Variants in FAM81A observed in about 807,000 individuals in gnomAD.
FAM81A encodes protein FAM81A.
In FAM81A, 19 loss-of-function variants were observed where a neutral mutation model predicts 46.7. That is an observed-to-expected ratio of 0.41 (90% CI 0.28 to 0.60). The LOEUF is 0.60. Among genes scored for constraint, FAM81A ranks in the 20% least tolerant of loss-of-function variants. The pLI, the probability that FAM81A is intolerant of heterozygous loss-of-function variation, is 0.34. For missense variants in FAM81A, 377 were observed against 453.5 expected, an observed-to-expected ratio of 0.83 and a Z score of 1.53; for synonymous variants, 183 against 152.9, an observed-to-expected ratio of 1.20 and a Z score of -1.45.
intron 1 of FAM81A, among the ~76,000 whole-genome samples, chr15:59,441,776 G>T (rs2081300255): frequency 6.6e-6 from 1 of 152,264 alleles, no homozygotes. Flanking sequence ...AACCTCATTT[G>T]TTTCCTTTTT....
At chr15:59,479,519 G>GAAAAAAAAAA (rs57107735) in intron 3 of FAM81A, among the ~76,000 whole-genome samples, 17 of 72,654 alleles carry the variant, frequency 2.3e-4, no homozygotes, top group Admixed American at 3.8e-4. Context: ...TCAAAAATAA[G>GAAAAAAAAAA]AAAAAAAAAA....
In FAM81A at chr15:59,522,895, G is replaced by A. The variant is rs1397150602; in HGVS notation, c.*1517G>A. 1 of 152,214 alleles carries A rather than the reference G, an allele frequency of 6.6e-6. No individual in the cohort carries two copies. The highest frequency in any genetic ancestry group is 1.5e-5 in the Non-Finnish European group (1 of 67,984). The allele number at this position is 152,214 out of a possible 1,614,324, so 9.4% of individuals were successfully genotyped here. On this transcript the variant is annotated 3_prime_UTR_variant, in exon 9 of 9. Coordinates refer to ENST00000288228, the MANE Select transcript of FAM81A (RefSeq NM_152450.3). The stretch of plus-strand genomic sequence containing the variant: ...TTTTTTTTTTCAAATTTGGACATGA[G>A]AGGTTATATAGGGACTATATTATCC...
At chr15:59,464,253 A>G (rs544141033) in intron 3 of FAM81A, among the ~76,000 whole-genome samples, 2 of 152,288 alleles carry the variant, frequency 1.3e-5, no homozygotes, top group African/African-American at 2.4e-5. Flanking sequence ...TATCTTGGCT[A>G]TTATGAATAG....
intron 8 of FAM81A, among the ~76,000 whole-genome samples, chr15:59,520,157 A>G (rs2082312566): frequency 6.6e-6 from 1 of 151,738 alleles, no homozygotes; most frequent in Non-Finnish European, 1.5e-5. Flanking sequence ...TGTATTGCCC[A>G]AGACAATTCT....
At chr15:59,408,342 T>C (rs371058360) in intron 2 of FAM81A, among the ~76,000 whole-genome samples, 1 of 152,198 alleles carries the variant, frequency 6.6e-6, no homozygotes, top group African/African-American at 2.4e-5. Context: ...ATATTTGAAA[T>C]AGTTTATTTT....
At chr15:59,470,909 A>G (rs1302949348) in intron 3 of FAM81A, among the ~76,000 whole-genome samples, 3 of 151,882 alleles carry the variant, frequency 2.0e-5, no homozygotes, top group African/African-American at 4.8e-5. Flanking sequence ...TGCAGCCTCA[A>G]CCTCCTGGGC....
At chr15:59,422,206 G>A (rs2141553757) in intron 2 of FAM81A, among the ~76,000 whole-genome samples, 1 of 152,120 alleles carries the variant, frequency 6.6e-6, no homozygotes, top group African/African-American at 2.4e-5. Context: ...GGCCAACATA[G>A]TGAGACCCTG....
chr15:59,487,542 A>G (rs2081932900), intron 3 of FAM81A, among the ~76,000 whole-genome samples: 1 of 152,030 alleles, frequency 6.6e-6, no homozygotes, highest in Non-Finnish European at 1.5e-5. Context: ...AAAAGACCCA[A>G]CTAAATAAAA....
chr15:59,492,176 G>T (rs2081988335), intron 3 of FAM81A, 95 bp from the exon 4 acceptor site: 3 of 865,238 alleles, frequency 3.5e-6, no homozygotes, highest in Non-Finnish European at 5.6e-6. Context: ...GAAAGACTGA[G>T]TTAAACATTC....
chr15:59,461,843 A>C (rs2081555032), intron 3 of FAM81A, among the ~76,000 whole-genome samples: 1 of 151,986 alleles, frequency 6.6e-6, no homozygotes, highest in Admixed American at 6.6e-5. Context: ...ATATGTCTTT[A>C]TTTCTCTTGG....
intron 1 of FAM81A, among the ~76,000 whole-genome samples, chr15:59,451,529 T>C (rs1486184929): frequency 1.3e-5 from 2 of 152,008 alleles, no homozygotes; most frequent in Non-Finnish European, 2.9e-5. Flanking sequence ...CTGGGCTCAC[T>C]GCAACTTCTG....
chr15:59,453,371 G>C (rs548821117), intron 1 of FAM81A, among the ~76,000 whole-genome samples: 1 of 152,192 alleles, frequency 6.6e-6, no homozygotes, highest in Non-Finnish European at 1.5e-5. Context: ...ACAAATGATT[G>C]TGAGGATGAA....
At chr15:59,441,222 C>T (rs1010210207) in intron 1 of FAM81A, among the ~76,000 whole-genome samples, 2 of 152,226 alleles carry the variant, frequency 1.3e-5, no homozygotes, top group African/African-American at 4.8e-5. Flanking sequence ...TGTCTTTGGT[C>T]CTTCCCTACT....
At chr15:59,401,598 C>T in intron 1 of FAM81A, 2 of 882,642 alleles carry the variant, frequency 2.3e-6, no homozygotes, top group Admixed American at 1.9e-5. Context: ...GTTCGAATAA[C>T]TTTTAATACT....
rs199995680 is a variant in FAM81A, at chr15:59,443,752, G to A, written c.-78+5470G>A. 5.9e-5 allele frequency among the ~76,000 whole-genome samples: 9 copies of A among 152,264 alleles called. No individual in the cohort carries two copies. The East Asian group carries it at 1.7e-3, about 29-fold the overall frequency. On this transcript the variant is annotated intron_variant, in intron 1 of 8. Transcript: ENST00000288228. The stretch of plus-strand genomic sequence containing the variant: ...GTCAAGTTGAGGTGTCCCCTGCACA[G>A]TCTCCCTCCATTCGTCCTTTCCTTT...
At chr15:59,479,852 A>C (rs1210879947) in intron 3 of FAM81A, among the ~76,000 whole-genome samples, 2 of 152,206 alleles carry the variant, frequency 1.3e-5, no homozygotes, top group East Asian at 3.8e-4. Context: ...TAAATAATCC[A>C]CTCACACTCT....
chr15:59,437,380 C>G (rs753879826), upstream of FAM81A, among the ~76,000 whole-genome samples: 2 of 131,672 alleles, frequency 1.5e-5, no homozygotes, highest in African/African-American at 2.9e-5. Flanking sequence ...CCGCTGAAAT[C>G]CTGCCCACCG....
At chr15:59,440,637 T>C (rs1174921412) in intron 1 of FAM81A, among the ~76,000 whole-genome samples, 1 of 152,170 alleles carries the variant, frequency 6.6e-6, no homozygotes, top group African/African-American at 2.4e-5. Context: ...GACTAAACCT[T>C]TGAGATCTTG....
At chr15:59,509,276 G>C (rs964027924) in intron 6 of FAM81A, among the ~76,000 whole-genome samples, 35 of 152,150 alleles carry the variant, frequency 2.3e-4, no homozygotes, top group African/African-American at 8.2e-4. Flanking sequence ...TTTAGTCTGG[G>C]GAGCTGATGA....
Sources: gnomAD v4.1 joint callset for allele counts (sites outside exome capture counted in the v4.1 genomes callset) on GRCh38, gnomAD v4.1.1 for gene constraint, MANE v1.5 for transcripts, NCBI Gene and HGNC (gene_info 2026-07-23, HGNC 2026-07-21) for gene names.